Variants in MRC2 observed in about 807,000 individuals in gnomAD.
MRC2 encodes mannose receptor C-type 2, also known as C-type mannose receptor 2.
Under a neutral mutation model 206.2 loss-of-function variants are expected in MRC2, and 84 were observed. That is an observed-to-expected ratio of 0.41 (90% CI 0.34 to 0.49). The LOEUF (loss-of-function observed/expected upper bound fraction) is 0.49. Ranked by LOEUF, MRC2 falls within the 20% of genes least tolerant of loss-of-function variation. MRC2 has a pLI of 0.31. For missense variants in MRC2, 1,676 were observed against 2,001.5 expected, an observed-to-expected ratio of 0.84 and a Z score of 3.10; for synonymous variants, 798 against 800.0, an observed-to-expected ratio of 1.00 and a Z score of 0.04.
Position 62,681,951 on chromosome 17 carries a change from G to A in MRC2, c.2803+14G>A, listed in dbSNP as rs777765751. 44 of 1,609,544 alleles carry A rather than the reference G, an allele frequency of 2.7e-5. No homozygotes were observed. Among genetic ancestry groups the A allele is most frequent in the Non-Finnish European group, 1.5e-5 (18 of 1,177,184 alleles). ...CAGCCAGCCGAGGTGAGGGCAAGGT[G>A]GGGGCAGAGTGCGCAGTCAGCTGTG... On this transcript the variant is annotated intron_variant, in intron 19 of 29. Coordinates refer to ENST00000303375, the MANE Select transcript of MRC2 (RefSeq NM_006039.5).
chr17:62,677,466 A>G lies in MRC2; in HGVS notation c.2032A>G (p.Lys678Glu), dbSNP rs1466166722. ...TCCCCAGGGCTGGGCCTCGGACACC[A>G]AACTCCGGTATTGCTATAAGGTAGG... ...SCPQGWASDT[K>E]LRYCYKVFSS... The change falls in exon 12 of 30, where the codon AAA becomes GAA. Residue 678 changes from lysine (K) to glutamate (E), a missense_variant. By Grantham distance (56) the Lys-to-Glu change is moderately conservative (BLOSUM62 1). This residue lies in a region of MRC2 where 1,354 missense variants were observed against 1,636.6 expected (regional missense o/e 0.83). Transcript: ENST00000303375. 6.2e-7 allele frequency: 1 copy of G among 1,606,298 alleles called. No homozygotes were observed. Among genetic ancestry groups the G allele is most frequent in the Non-Finnish European group, 8.5e-7 (1 of 1,175,552 alleles).
At chr17:62,676,660 A>G in intron 11 of MRC2, 129 bp downstream of exon 11, 2 of 1,210,182 alleles carry the variant, frequency 1.7e-6, no homozygotes, top group Non-Finnish European at 2.2e-6. Context: ...AGTGTCTATG[A>G]GCACAAGCTC....
intron 20 of MRC2, 99 bp from the exon 21 acceptor site, chr17:62,688,190 G>T (rs1270756746): frequency 9.1e-6 from 9 of 989,820 alleles, no homozygotes; most frequent in Non-Finnish European, 9.2e-6. Context: ...GCCCTCAAAG[G>T]CCCCCCAGGA....
chr17:62,680,646 C>T lies in MRC2; in HGVS notation c.2474-154C>T. Reference sequence around the variant, plus strand: ...TGTGGGAGGCGAGGCAAGCCTGGGGCCTGGGGCCTGGCACGGTGCCTGCCT... The same window carrying T: ...TGTGGGAGGCGAGGCAAGCCTGGGGTCTGGGGCCTGGCACGGTGCCTGCCT... On this transcript the variant is annotated intron_variant, in intron 16 of 29. Transcript: ENST00000303375. This position sits in a 1 kb window ranked among gnomAD's most constrained non-coding sequence, Gnocchi z 4.8. The T allele has an allele frequency of 1.6e-6, 2 of 1,259,930 alleles. No individual in the cohort carries two copies. 78.0% of individuals were successfully genotyped at this position (1,259,930 alleles called of 1,614,324 possible). A position where few individuals can be genotyped will look rare whatever the true frequency, so the allele number is the denominator to read the frequency against.
rs1490740572 is a variant in MRC2, at chr17:62,680,954, G to T, written c.2628G>T (p.Leu876Phe). 1 of 1,612,940 alleles carries T rather than the reference G, an allele frequency of 6.2e-7. No individual in the cohort carries two copies. Among genetic ancestry groups the T allele is most frequent in the East Asian group, 2.2e-5 (1 of 44,880 alleles). Residue 876 changes from leucine to phenylalanine, a missense_variant, in exon 17 of 30, where the codon TTG (leucine) becomes TTT (phenylalanine). This residue lies in a region of MRC2 where 1,354 missense variants were observed against 1,636.6 expected (regional missense o/e 0.83). Coordinates refer to ENST00000303375, the MANE Select transcript of MRC2 (RefSeq NM_006039.5). The surrounding 1 kb of genome is among the most constrained non-coding windows in gnomAD (Gnocchi z 4.8). Reference protein sequence around the residue: ...QAELDFLSHNLQKFSRAQEQH... With the variant: ...QAELDFLSHNFQKFSRAQEQH... ...AGCTAGACTTCCTGAGCCACAACTTGCAGAAGGTGGGCATTGGATTGAGCA... is the reference window on the plus strand; with the variant it reads ...AGCTAGACTTCCTGAGCCACAACTTTCAGAAGGTGGGCATTGGATTGAGCA...
intron 11 of MRC2, 31 bp from the exon 12 acceptor site, chr17:62,677,238 A>AGAGCCTGGGTCTCCCTTCCCTCTCC: frequency 3.9e-6 from 6 of 1,528,894 alleles, no homozygotes; most frequent in South Asian, 3.6e-5. Context: ...AATCCTTCTC[A>AGAGCCTGGGTCTCCCTTCCCTCTCC]GAGCCTGGGT....
chr17:62,642,556 T>G (rs1369152766), intron 1 of MRC2, among the ~76,000 whole-genome samples: 1 of 152,170 alleles, frequency 6.6e-6, no homozygotes, highest in African/African-American at 2.4e-5. Flanking sequence ...AAGCAATTAT[T>G]CTGCCTCATC....
chr17:62,688,282 C>T lies in MRC2; in HGVS notation c.2947-7C>T. 1 of 1,613,396 alleles carries T rather than the reference C, an allele frequency of 6.2e-7. No homozygotes were observed. The highest frequency in any genetic ancestry group is 1.1e-5 in the South Asian group (1 of 91,054). On this transcript the variant is annotated splice_region_variant and splice_polypyrimidine_tract_variant and intron_variant, in intron 20 of 29. Transcript: ENST00000303375. ...CTGGCCATTACATCCCCACCTCTGC[C>T]CCACAGTGTTTTCAGGTCCAGGGCC... is the stretch of plus-strand genomic sequence containing the variant.
At position 62,667,419 on chromosome 17, in the gene MRC2, T is replaced by C. The variant is rs1472010257; in HGVS notation, c.1003T>C (p.Cys335Arg). ...DQPDNPSEENCGVIRTESSGG... is the reference protein window; with the variant it reads ...DQPDNPSEENRGVIRTESSGG... ...GCCGGACAACCCCAGTGAGGAGAAC[T>C]GTGGAGTGATCCGCACTGAGTCCTC... The change falls in exon 6 of 30, where the codon TGT becomes CGT. Residue 335 changes from cysteine (C) to arginine (R), a missense_variant. Physicochemically the swap from Cys to Arg is radical, Grantham distance 180. Around this residue, in one of 3 missense-constraint regions of MRC2, gnomAD observed 1,354 missense variants for 1,636.6 expected, o/e 0.83. Coordinates refer to ENST00000303375, the MANE Select transcript of MRC2 (RefSeq NM_006039.5). The surrounding 1 kb of genome is among the most constrained non-coding windows in gnomAD (Gnocchi z 4.1). 1 of 1,611,340 alleles carries C rather than the reference T, an allele frequency of 6.2e-7. No homozygotes were observed. The highest frequency in any genetic ancestry group is 1.7e-5 in the Admixed American group (1 of 59,510).
In MRC2 at chr17:62,666,645, G is replaced by T; in HGVS notation, c.859+26G>T. 5 of 1,549,544 alleles carry T rather than the reference G, an allele frequency of 3.2e-6. No individual in the cohort carries two copies. The highest frequency in any genetic ancestry group is 4.4e-6 in the Non-Finnish European group (5 of 1,146,582). On this transcript the variant is annotated intron_variant, in intron 4 of 29. Coordinates refer to ENST00000303375, the MANE Select transcript of MRC2 (RefSeq NM_006039.5). The surrounding 1 kb of genome is among the most constrained non-coding windows in gnomAD (Gnocchi z 5.0). ...GTGAGCCGGGGCCTGATGCCTGCTC[G>T]TGCCTCTGGAGGGCCCGGGCCCTTT...
intron 2 of MRC2, 137 bp downstream of exon 2, chr17:62,665,086 G>A (rs757766000): frequency 2.4e-5 from 24 of 989,746 alleles, no homozygotes; most frequent in Non-Finnish European, 2.9e-5. Flanking sequence ...ATAATAGGAA[G>A]CATTTTTTAA....
intron 23 of MRC2, among the ~76,000 whole-genome samples, chr17:62,689,218 C>T (rs971908699): frequency 3.3e-5 from 5 of 152,152 alleles, no homozygotes; most frequent in Admixed American, 1.3e-4. Flanking sequence ...AGTGCTGGCA[C>T]GTGTGGCGTC....
At chr17:62,686,323 G>A (rs1454744722) in intron 20 of MRC2, among the ~76,000 whole-genome samples, 1 of 152,034 alleles carries the variant, frequency 6.6e-6, no homozygotes, top group Non-Finnish European at 1.5e-5. Flanking sequence ...TGTGGTGGTG[G>A]GCGCCTGTAA....
chr17:62,678,776 G>C, intron 13 of MRC2, 130 bp downstream of exon 13: 2 of 1,314,410 alleles, frequency 1.5e-6, no homozygotes, highest in South Asian at 2.7e-5. Flanking sequence ...AGGGAGGCCT[G>C]CATCTGCTGC....
intron 1 of MRC2, among the ~76,000 whole-genome samples, chr17:62,630,708 A>G (rs1427383736): frequency 1.3e-5 from 2 of 152,082 alleles, no homozygotes; most frequent in African/African-American, 2.4e-5. Flanking sequence ...ATCAAGTCTC[A>G]AGGCCATGGG....
chr17:62,681,431 A>G (rs889444793), intron 18 of MRC2: 6 of 515,656 alleles, frequency 1.2e-5, no homozygotes, highest in Admixed American at 3.6e-5. Context: ...ATCATGACTA[A>G]GGCCCTCTCG....
chr17:62,648,020 G>A (rs1476708922), intron 1 of MRC2, among the ~76,000 whole-genome samples: 1 of 152,190 alleles, frequency 6.6e-6, no homozygotes, highest in African/African-American at 2.4e-5. Flanking sequence ...GGGGTCAAGT[G>A]ACTCGCTCAG....
intron 6 of MRC2, among the ~76,000 whole-genome samples, chr17:62,670,662 C>A (rs1478233487): frequency 6.6e-6 from 1 of 152,188 alleles, no homozygotes; most frequent in African/African-American, 2.4e-5. Context: ...GAAATCGGGG[C>A]AAGGGAGGGC....
At chr17:62,641,175 A>G (rs917991584) in intron 1 of MRC2, among the ~76,000 whole-genome samples, 1 of 150,646 alleles carries the variant, frequency 6.6e-6, no homozygotes, top group African/African-American at 2.4e-5. Context: ...TAAGAGAAAA[A>G]TCGGCTGGGT....
Sources: gnomAD v4.1 joint callset for allele counts (sites outside exome capture counted in the v4.1 genomes callset) on GRCh38, gnomAD v4.1.1 for gene constraint, gnomAD v4.1.1 regional missense constraint, Gnocchi (gnomAD v3.1) non-coding constraint, MANE v1.5 for transcripts, NCBI Gene and HGNC (gene_info 2026-07-23, HGNC 2026-07-21) for gene names.